The following BDNF variants were observed in gnomAD, a reference collection of about 807,000 sequenced individuals.
BDNF encodes the protein brain derived neurotrophic factor.
BDNF carries 1 observed loss-of-function variant against 19.5 expected under a neutral mutation model. The ratio of observed to expected loss-of-function variants is 0.05; its 90% CI spans 0.02 to 0.24. The LOEUF is 0.24. Among genes scored for constraint, BDNF ranks in the 10% least tolerant of loss-of-function variants. The pLI is 1.00. For synonymous variants in BDNF, 100 were observed against 121.6 expected (o/e 0.82, Z 1.17); for missense variants, 195 against 317.6 (o/e 0.61, Z 2.93).
intron 1 of BDNF, among the ~76,000 whole-genome samples, chr11:27,695,780 A>T (rs1858914759): frequency 6.6e-6 from 1 of 151,090 alleles, no homozygotes; most frequent in Non-Finnish European, 1.5e-5. Flanking sequence ...ATCCTCAAAC[A>T]TCAATCTATA....
At chr11:27,710,523 A>T (rs1860281799) in intron 1 of BDNF, among the ~76,000 whole-genome samples, 1 of 152,214 alleles carries the variant, frequency 6.6e-6, no homozygotes, top group Admixed American at 6.5e-5. Context: ...CCAAGTTTGG[A>T]GTGGATCCTT....
At chr11:27,693,515 C>T (rs1432246868) in intron 1 of BDNF, among the ~76,000 whole-genome samples, 1 of 152,138 alleles carries the variant, frequency 6.6e-6, no homozygotes, top group East Asian at 1.9e-4. Context: ...ATAAGCATAT[C>T]GTCTGTGCCT....
intron 1 of BDNF, among the ~76,000 whole-genome samples, chr11:27,697,097 TTCTCTC>T (rs143062715): frequency 1.6e-4 from 23 of 143,622 alleles, no homozygotes; most frequent in Admixed American, 2.8e-4. Context: ...CAGTTCACAG[TTCTCTC>T]TCTCTCTCTC....
chr11:27,705,696 A>G (rs1284740141), intron 1 of BDNF, among the ~76,000 whole-genome samples: 1 of 152,176 alleles, frequency 6.6e-6, no homozygotes, highest in Non-Finnish European at 1.5e-5. Context: ...TTAATAGTGC[A>G]TGGTTGTGAA....
intron 1 of BDNF, among the ~76,000 whole-genome samples, chr11:27,664,053 T>C (rs1026390912): frequency 2.0e-5 from 3 of 152,132 alleles, no homozygotes; most frequent in Non-Finnish European, 2.9e-5. Flanking sequence ...AAAGTCTTGT[T>C]TGTTCCCAGC....
intron 1 of BDNF, chr11:27,720,548 C>T (rs1860708360): frequency 2.0e-6 from 2 of 985,648 alleles, no homozygotes; most frequent in South Asian, 4.7e-5. Flanking sequence ...ATCTGACTCT[C>T]TCTCCAGCCC....
At chr11:27,659,465 T>G (rs1853048131) in intron 1 of BDNF, 1 of 1,000,182 alleles carries the variant, frequency 1.0e-6, no homozygotes, top group Admixed American at 6.1e-5. Context: ...ACTGAAAAAG[T>G]CAGCATTAAA....
chr11:27,683,373 G>A (rs1459860785), intron 1 of BDNF, among the ~76,000 whole-genome samples: 2 of 152,224 alleles, frequency 1.3e-5, no homozygotes, highest in African/African-American at 2.4e-5. Context: ...TCACTCTGAT[G>A]TTAGTTTCTT....
At chr11:27,660,063 C>T in intron 1 of BDNF, 1 of 447,828 alleles carries the variant, frequency 2.2e-6, no homozygotes, top group Non-Finnish European at 3.3e-6. Context: ...CAAAAAGACA[C>T]ATACATGCAA....
At chr11:27,699,709 C>T (rs1341910395) in intron 1 of BDNF, 2 of 1,389,036 alleles carry the variant, frequency 1.4e-6, no homozygotes, top group African/African-American at 2.9e-5. Context: ...CGCAAGCTTC[C>T]CTCCCACTCC....
chr11:27,657,703 T>G lies in BDNF; in HGVS notation c.*118A>C. 1 of 1,508,920 alleles carries G rather than the reference T, an allele frequency of 6.6e-7. No homozygotes were observed. Among genetic ancestry groups the G allele is most frequent in the Non-Finnish European group, 8.8e-7 (1 of 1,137,932 alleles). 93.5% of individuals were successfully genotyped at this position (1,508,920 alleles called of 1,614,324 possible). On this transcript the variant is annotated 3_prime_UTR_variant, in exon 2 of 2. Transcript: ENST00000356660. The surrounding 1 kb of genome is among the most constrained non-coding windows in gnomAD (Gnocchi z 5.0). ...AACCACTGTACTGTATAAACTTCATTTATACATGCAGTTCATAAAATTATT... is the reference window on the plus strand; with the variant it reads ...AACCACTGTACTGTATAAACTTCATGTATACATGCAGTTCATAAAATTATT...
chr11:27,713,286 A>G (rs1368200951), intron 1 of BDNF, among the ~76,000 whole-genome samples: 1 of 152,212 alleles, frequency 6.6e-6, no homozygotes, highest in African/African-American at 2.4e-5. Context: ...AGAAGAAATC[A>G]TTGTTTCCTA....
At chr11:27,662,067 A>G (rs372429402) in intron 1 of BDNF, among the ~76,000 whole-genome samples, 10 of 152,142 alleles carry the variant, frequency 6.6e-5, no homozygotes, top group African/African-American at 2.4e-4. Flanking sequence ...CAATGGTGCA[A>G]TCTCGGCTCA....
chr11:27,701,186 G>T (rs1053279273), upstream of BDNF: 31 of 1,192,220 alleles, frequency 2.6e-5, no homozygotes, highest in Non-Finnish European at 3.4e-5. Flanking sequence ...GTTACACCAA[G>T]TTACTTGTTC....
chr11:27,689,776 G>T (rs1857997359), intron 1 of BDNF, among the ~76,000 whole-genome samples: 2 of 152,124 alleles, frequency 1.3e-5, no homozygotes, highest in African/African-American at 4.8e-5. Flanking sequence ...AGGTAAATAT[G>T]TGTCATGGTG....
chr11:27,719,044 C>T (rs578097442), intron 1 of BDNF, among the ~76,000 whole-genome samples: 1 of 152,274 alleles, frequency 6.6e-6, no homozygotes, highest in East Asian at 1.9e-4. Context: ...CCTGGTGGCC[C>T]CCGCCCAGGG....
chr11:27,666,569 G>C (rs1854375915), intron 1 of BDNF, among the ~76,000 whole-genome samples: 1 of 152,194 alleles, frequency 6.6e-6, no homozygotes, highest in Non-Finnish European at 1.5e-5. Flanking sequence ...AAACAGCATA[G>C]AGAAGACCTT....
intron 1 of BDNF, among the ~76,000 whole-genome samples, chr11:27,663,973 C>T (rs1053977875): frequency 1.3e-5 from 2 of 151,676 alleles, no homozygotes; most frequent in African/African-American, 4.9e-5. Context: ...CATGTTAGAA[C>T]TAAGTTTCTA....
chr11:27,658,449 G>A lies in BDNF; in HGVS notation c.116C>T (p.Thr39Ile). The A allele has an allele frequency of 6.2e-7, 1 of 1,614,188 alleles. No individual in the cohort carries two copies. The change falls in exon 2 of 2, where the codon ACC becomes ATC. Residue 39 changes from threonine to isoleucine, a missense_variant. This residue lies in a region of BDNF where 124 missense variants were observed against 155.0 expected (regional missense o/e 0.80). Coordinates refer to ENST00000356660, the MANE Select transcript of BDNF (RefSeq NM_001709.5). This position sits in a 1 kb window ranked among gnomAD's most constrained non-coding sequence, Gnocchi z 5.7. ...ATTCACGCTCTCCAGAGTCCCATGG[G>A]TCCGCACACCTGGGTAGGCCAAGCC... is the stretch of plus-strand genomic sequence containing the variant. ...QGGLAYPGVR[T>I]HGTLESVNGP...
Sources: allele counts gnomAD v4.1 joint callset (sites outside exome capture counted in the v4.1 genomes callset), GRCh38; gene constraint gnomAD v4.1.1; regional missense constraint gnomAD v4.1.1; non-coding constraint Gnocchi (gnomAD v3.1); transcripts MANE v1.5; gene names NCBI Gene and HGNC (gene_info 2026-07-23, HGNC 2026-07-21).